CRYBG3: variants seen among roughly 807,000 people sequenced by gnomAD.
CRYBG3 encodes very large A-kinase anchor protein.
In CRYBG3, 127 loss-of-function variants were observed where a neutral mutation model predicts 244.2. That is an observed-to-expected ratio of 0.52 (90% CI 0.45 to 0.60). The LOEUF (loss-of-function observed/expected upper bound fraction) is 0.60. Among genes scored for constraint, CRYBG3 ranks in the 20% least tolerant of loss-of-function variants. The pLI is 0.00. For synonymous variants in CRYBG3, 1,132 were observed against 1,195.8 expected, an observed-to-expected ratio of 0.95 and a Z score of 1.10; for missense variants, 3,325 against 3,442.5, an observed-to-expected ratio of 0.97 and a Z score of 0.85.
chr3:97,848,112 C>T (rs556258633), intron 2 of CRYBG3, among the ~76,000 whole-genome samples: 106 of 152,224 alleles, frequency 7.0e-4, no homozygotes, highest in Non-Finnish European at 1.3e-3. Flanking sequence ...TAAATATTTG[C>T]ATCTGTTCAT....
At chr3:97,919,664 T>G (rs2039962716) in intron 17 of CRYBG3, among the ~76,000 whole-genome samples, 1 of 150,828 alleles carries the variant, frequency 6.6e-6, no homozygotes, top group African/African-American at 2.4e-5. Flanking sequence ...AACCAAAGCC[T>G]TCTATATTTA....
At chr3:97,864,749 T>C (rs990098912) in intron 3 of CRYBG3, 102 bp downstream of exon 3, 2 of 747,040 alleles carry the variant, frequency 2.7e-6, no homozygotes, top group African/African-American at 1.8e-5. Flanking sequence ...GGAAAAGATA[T>C]TCTGTAGTGT....
intron 18 of CRYBG3, 35 bp downstream of exon 18, chr3:97,933,868 TAC>T (rs1553710268): frequency 3.6e-5 from 58 of 1,598,552 alleles, no homozygotes; most frequent in Non-Finnish European, 4.3e-5. Context: ...CTGGTTCAGT[TAC>T]TGTTTTAAGA....
intron 10 of CRYBG3, among the ~76,000 whole-genome samples, chr3:97,890,490 A>T (rs1439193633): frequency 6.6e-6 from 1 of 152,188 alleles, no homozygotes; most frequent in Non-Finnish European, 1.5e-5. Context: ...ATCACAATTT[A>T]TAAGTTGTTT....
rs1230000825 is a variant in CRYBG3, at chr3:97,941,151, G to A, written c.8509G>A (p.Ala2837Thr). The A allele has an allele frequency of 6.2e-6, 10 of 1,605,388 alleles. No homozygotes were observed. The highest frequency in any genetic ancestry group is 7.7e-6 in the Non-Finnish European group (9 of 1,175,698). Reference sequence around the variant, plus strand: ...ATGGCTGTTTCTCCTGTCATAGCCTGCAGTGTACATCAGAATAAAGAACCG... The same window carrying A: ...ATGGCTGTTTCTCCTGTCATAGCCTACAGTGTACATCAGAATAAAGAACCG... ...IGSLRPMKQPAVYIRIKNRAQ... is the reference protein window; with the variant it reads ...IGSLRPMKQPTVYIRIKNRAQ... The change falls in exon 20 of 22, where the codon GCA (alanine) becomes ACA (threonine). Residue 2837 changes from alanine to threonine, a missense_variant. Around this residue, in one of 4 missense-constraint regions of CRYBG3, gnomAD observed 714 missense variants for 803.6 expected, o/e 0.89. Transcript: ENST00000389622.
At chr3:97,907,958 G>A (rs1195029653) in intron 15 of CRYBG3, among the ~76,000 whole-genome samples, 41 of 151,994 alleles carry the variant, frequency 2.7e-4, no homozygotes, top group Non-Finnish European at 4.0e-4. Flanking sequence ...CTTTGTTCCC[G>A]TTGGTTTCAA....
At chr3:97,857,957 T>C (rs1325675857) in intron 2 of CRYBG3, among the ~76,000 whole-genome samples, 1 of 152,106 alleles carries the variant, frequency 6.6e-6, no homozygotes, top group African/African-American at 2.4e-5. Flanking sequence ...CTTTATCTCA[T>C]TTATGTATCT....
chr3:97,878,042 G>T lies in CRYBG3; in HGVS notation c.6843+5G>T. The T allele has an allele frequency of 6.3e-7, 1 of 1,587,784 alleles. No individual in the cohort carries two copies. Among genetic ancestry groups the T allele is most frequent in the Non-Finnish European group, 8.5e-7 (1 of 1,170,874 alleles). On this transcript the variant is annotated splice_donor_5th_base_variant and intron_variant, in intron 4 of 21. Transcript: ENST00000389622. ...AGATTGAGCCCATTTATAGAGGTAAGTTATTTTGTTTATTGTATTAATAAT... is the reference window on the plus strand; with the variant it reads ...AGATTGAGCCCATTTATAGAGGTAATTTATTTTGTTTATTGTATTAATAAT...
At chr3:97,845,487 A>C (rs1576516796) in intron 2 of CRYBG3, among the ~76,000 whole-genome samples, 1 of 152,166 alleles carries the variant, frequency 6.6e-6, no homozygotes, top group African/African-American at 2.4e-5. Context: ...TATGTATTTT[A>C]TGTTAATAAG....
intron 14 of CRYBG3, 45 bp from the exon 15 acceptor site, chr3:97,900,408 G>A (rs1252549139): frequency 2.8e-6 from 3 of 1,059,366 alleles, no homozygotes; most frequent in Admixed American, 2.4e-5. Flanking sequence ...CAAAAAGACA[G>A]ATTATGTGAT....
chr3:97,877,755 G>A lies in CRYBG3; in HGVS notation c.6561G>A (p.Gln2187=). 5 of 1,614,100 alleles carry A rather than the reference G, an allele frequency of 3.1e-6. No homozygotes were observed. The highest frequency in any genetic ancestry group is 4.2e-6 in the Non-Finnish European group (5 of 1,180,012). The change falls in exon 4 of 22, where the codon CAG becomes CAA. Residue 2187 remains glutamine (Q), a synonymous_variant. Coordinates refer to ENST00000389622, the MANE Select transcript of CRYBG3 (RefSeq NM_153605.4). ...CCATCACATTTTACCCTGATGACCA[G>A]GAGAGCGTTGGAATTTCTAAGAATT... ...DPSITFYPDD[Q]ESVGISKNSY...
intron 1 of CRYBG3, among the ~76,000 whole-genome samples, chr3:97,833,362 A>G (rs1252596757): frequency 6.6e-6 from 1 of 152,190 alleles, no homozygotes; most frequent in Non-Finnish European, 1.5e-5. Flanking sequence ...GCACATATAC[A>G]CCGTGGAATA....
intron 17 of CRYBG3, among the ~76,000 whole-genome samples, chr3:97,922,860 A>G (rs1461264450): frequency 6.6e-6 from 1 of 152,170 alleles, no homozygotes; most frequent in East Asian, 1.9e-4. Flanking sequence ...AGGATTATAA[A>G]TCATGCTGCT....
chr3:97,866,050 A>G lies in CRYBG3; in HGVS notation c.647+1403A>G, dbSNP rs143713543. Among the ~76,000 whole-genome samples, 11 of 152,340 alleles carry G rather than the reference A, an allele frequency of 7.2e-5. No homozygotes were observed. The East Asian group carries it at 1.5e-3, about 21-fold the overall frequency. On this transcript the variant is annotated intron_variant, in intron 3 of 21. Transcript: ENST00000389622. ...CAAACAATATAAACAAATCTTTCAA[A>G]TAAAAGAAGTCTAATCTGTTAATAA...
At chr3:97,922,664 C>CTGGT (rs1370526423) in intron 17 of CRYBG3, among the ~76,000 whole-genome samples, 5 of 152,060 alleles carry the variant, frequency 3.3e-5, no homozygotes, top group Admixed American at 6.6e-5. Context: ...GTTAGAATGA[C>CTGGT]GATCATTAAA....
At chr3:97,888,477 CA>C in intron 9 of CRYBG3, 22 bp downstream of exon 9, 1 of 1,457,344 alleles carries the variant, frequency 6.9e-7, no homozygotes. Flanking sequence ...TAAAAAGAAG[CA>C]TTCCTTTTCC....
At chr3:97,856,032 G>A (rs1410243523) in intron 2 of CRYBG3, among the ~76,000 whole-genome samples, 9 of 152,066 alleles carry the variant, frequency 5.9e-5, no homozygotes, top group Admixed American at 5.9e-4. Flanking sequence ...ATAAGCCTGG[G>A]AGCGCTATGG....
intron 20 of CRYBG3, 70 bp downstream of exon 20, chr3:97,941,376 C>A: frequency 2.7e-6 from 3 of 1,120,396 alleles, no homozygotes; most frequent in South Asian, 4.3e-5. Flanking sequence ...AGAATCCTGT[C>A]AAATCAACTG....
intron 17 of CRYBG3, among the ~76,000 whole-genome samples, chr3:97,917,332 A>G (rs1411990392): frequency 2.0e-5 from 3 of 152,144 alleles, no homozygotes; most frequent in Admixed American, 1.3e-4. Context: ...TCCAGGCAGC[A>G]TAAGTGAAGG....
Sources: gnomAD v4.1 joint callset for allele counts (sites outside exome capture counted in the v4.1 genomes callset) on GRCh38, gnomAD v4.1.1 for gene constraint, gnomAD v4.1.1 regional missense constraint, MANE v1.5 for transcripts, NCBI Gene and HGNC (gene_info 2026-07-23, HGNC 2026-07-21) for gene names.